The following SDHAF2 variants were observed in gnomAD, a reference collection of about 807,000 sequenced individuals.
SDHAF2 encodes the protein succinate dehydrogenase assembly factor 2, mitochondrial.
Under a neutral mutation model 18.5 loss-of-function variants are expected in SDHAF2, and 21 were observed. The ratio of observed to expected loss-of-function variants is 1.13; its 90% CI spans 0.80 to 1.63. The LOEUF (loss-of-function observed/expected upper bound fraction) is 1.63. SDHAF2 is among the 40% of genes most tolerant of loss of function. The pLI, the probability that SDHAF2 is intolerant of heterozygous loss-of-function variation, is 0.00. For missense variants in SDHAF2, 195 were observed against 200.3 expected (o/e 0.97, Z 0.16); for synonymous variants, 84 against 70.7 (o/e 1.19, Z -0.94).
At chr11:61,438,746 C>T (rs867552754) in intron 3 of SDHAF2, among the ~76,000 whole-genome samples, 2 of 152,110 alleles carry the variant, frequency 1.3e-5, no homozygotes, top group African/African-American at 4.8e-5. Context: ...GCCAAAGCTC[C>T]TCAATAGTTT....
intron 3 of SDHAF2, among the ~76,000 whole-genome samples, chr11:61,441,911 T>C (rs1020694690): frequency 2.1e-5 from 3 of 144,804 alleles, no homozygotes; most frequent in African/African-American, 7.5e-5. Flanking sequence ...TGAGACAGGA[T>C]CTCACTCTGT....
In SDHAF2 at chr11:61,430,184, TGAG is replaced by T; in HGVS notation, c.36+6_36+8del. ...ACAGTGTTCTCGACTTCGTCGCTGG[TGAG>T]GAGAGAGAACGTTCTAGCGTCCGGG... On this transcript the variant is annotated splice_donor_5th_base_variant and intron_variant, in intron 1 of 3. Coordinates refer to ENST00000301761, the MANE Select transcript of SDHAF2 (RefSeq NM_017841.4). The T allele has an allele frequency of 6.2e-7, 1 of 1,614,160 alleles. No homozygotes were observed. Among genetic ancestry groups the T allele is most frequent in the Non-Finnish European group, 8.5e-7 (1 of 1,180,024 alleles).
At chr11:61,445,513 C>T (rs1565130713) in intron 3 of SDHAF2, among the ~76,000 whole-genome samples, 1 of 152,196 alleles carries the variant, frequency 6.6e-6, no homozygotes, top group Non-Finnish European at 1.5e-5. Context: ...GAGATATATA[C>T]ATTGCAAGGG....
In SDHAF2 at chr11:61,445,924, C is replaced by T; in HGVS notation, c.371-17C>T. 6.2e-7 allele frequency: 1 copy of T among 1,613,950 alleles called. No individual in the cohort carries two copies. Among genetic ancestry groups the T allele is most frequent in the Non-Finnish European group, 8.5e-7 (1 of 1,179,966 alleles). On this transcript the variant is annotated splice_polypyrimidine_tract_variant and intron_variant, in intron 3 of 3. Coordinates refer to ENST00000301761, the MANE Select transcript of SDHAF2 (RefSeq NM_017841.4). Reference sequence around the variant, plus strand: ...CTGACTATGGCATAATTTTTTCTGCCCACTCTTCTCTTGCAGAAGCTAAAC... The same window carrying T: ...CTGACTATGGCATAATTTTTTCTGCTCACTCTTCTCTTGCAGAAGCTAAAC...
intron 1 of SDHAF2, chr11:61,433,237 A>C (rs1861955740): frequency 6.6e-6 from 1 of 151,992 alleles, no homozygotes; most frequent in African/African-American, 2.4e-5. Context: ...ATGGGGTTTC[A>C]CTGTGTTAGC....
chr11:61,440,320 T>C (rs2134895467), intron 3 of SDHAF2, among the ~76,000 whole-genome samples: 1 of 149,008 alleles, frequency 6.7e-6, no homozygotes, highest in South Asian at 2.1e-4. Context: ...TAAATAGGGC[T>C]GGGCGCGGTG....
chr11:61,430,428 C>T (rs1463774323), intron 1 of SDHAF2: 2 of 571,652 alleles, frequency 3.5e-6, no homozygotes, highest in Non-Finnish European at 6.1e-6. Context: ...ACCCAATTCG[C>T]CTCTCACCTA....
chr11:61,441,134 A>G (rs1176548133), intron 3 of SDHAF2, among the ~76,000 whole-genome samples: 3 of 152,122 alleles, frequency 2.0e-5, no homozygotes, highest in Non-Finnish European at 2.9e-5. Context: ...GCAATGACCT[A>G]TGATCACGCC....
rs756917732 is a variant in SDHAF2 at position 61,437,688 on chromosome 11, T to C, written c.100T>C (p.Phe34Leu). 35 of 1,614,188 alleles carry C rather than the reference T, an allele frequency of 2.2e-5. No homozygotes were observed. Among genetic ancestry groups the C allele is most frequent in the Non-Finnish European group, 2.9e-5 (34 of 1,180,030 alleles). ...GCTCAGTGTGACATCATTCAGACGC[T>C]TCTACAGAGGTGACAGCCCAACAGA... ...PLLSVTSFRR[F>L]YRGDSPTDSQ... The change falls in exon 2 of 4, where the codon TTC becomes CTC. Residue 34 changes from phenylalanine to leucine, a missense_variant. Physicochemically the swap from Phe to Leu is conservative, Grantham distance 22. Transcript: ENST00000301761.
In SDHAF2 at chr11:61,443,139, A is replaced by G. The variant is rs189329556; in HGVS notation, c.371-2802A>G. ...TCAGTTTGGGTTATTTGTATTAGAT[A>G]ATATCTATTGACCTGTCTTCCACTA... On this transcript the variant is annotated intron_variant, in intron 3 of 3. Coordinates refer to ENST00000301761, the MANE Select transcript of SDHAF2 (RefSeq NM_017841.4). Among the ~76,000 whole-genome samples the G allele has an allele frequency of 3.4e-4, 52 of 152,320 alleles. 1 individual carries two copies. The highest frequency in any genetic ancestry group is 1.3e-3 in the African/African-American group (52 of 41,568).
chr11:61,437,700 G>C lies in SDHAF2; in HGVS notation c.112G>C (p.Asp38His). Residue 38 changes from aspartate (D) to histidine (H), a missense_variant, in exon 2 of 4, where the codon GAC (aspartate) becomes CAC (histidine). By Grantham distance (81) the Asp-to-His change is moderately conservative. Transcript: ENST00000301761. ...VTSFRRFYRG[D>H]SPTDSQKDMI... ...ATCATTCAGACGCTTCTACAGAGGT[G>C]ACAGCCCAACAGATTCCCAAAAGGA... 1 of 1,614,200 alleles carries C rather than the reference G, an allele frequency of 6.2e-7. No individual in the cohort carries two copies. Among genetic ancestry groups the C allele is most frequent in the Admixed American group, 1.7e-5 (1 of 60,014 alleles).
At chr11:61,442,743 C>CTG (rs1862084387) in intron 3 of SDHAF2, among the ~76,000 whole-genome samples, 1 of 152,010 alleles carries the variant, frequency 6.6e-6, no homozygotes, top group Admixed American at 6.6e-5. Flanking sequence ...TGTCCAACAG[C>CTG]TGTTGTGGGG....
At position 61,440,172 on chromosome 11, in the gene SDHAF2, G is replaced by A. The variant is rs147744113; in HGVS notation, c.370+2059G>A. Among the ~76,000 whole-genome samples the A allele has an allele frequency of 3.6e-3, 545 of 152,036 alleles. 4 individuals carry two copies. Among genetic ancestry groups the A allele is most frequent in the African/African-American group, 0.013 (528 of 41,466 alleles). ...TCTACTAAAAATGCAAAAGTTAGCC[G>A]CGTGTGGTGGTGCGCCCAGCTACTC... On this transcript the variant is annotated intron_variant, in intron 3 of 3. Coordinates refer to ENST00000301761, the MANE Select transcript of SDHAF2 (RefSeq NM_017841.4).
chr11:61,442,046 G>A (rs545359199), intron 3 of SDHAF2, among the ~76,000 whole-genome samples: 67 of 152,100 alleles, frequency 4.4e-4, no homozygotes, highest in African/African-American at 1.6e-3. Flanking sequence ...ACCATGCCCA[G>A]CTAATTTTTG....
intron 1 of SDHAF2, chr11:61,435,440 T>C (rs2943806): frequency 0.85 from 128,950 of 152,108 alleles, 54,820 homozygotes; most frequent in East Asian, 0.98. Context: ...GACCATGTTT[T>C]CCTCTTTATT....
chr11:61,445,894 A>C (rs772484776), intron 3 of SDHAF2, 47 bp from the exon 4 acceptor site: 2 of 1,611,882 alleles, frequency 1.2e-6, no homozygotes, highest in Non-Finnish European at 1.7e-6. Context: ...ATACCTGAGC[A>C]TTGACTGACT....
At chr11:61,443,975 G>A (rs1862104049) in intron 3 of SDHAF2, among the ~76,000 whole-genome samples, 1 of 152,118 alleles carries the variant, frequency 6.6e-6, no homozygotes, top group Non-Finnish European at 1.5e-5. Flanking sequence ...GGGTTTCACC[G>A]TTTTAGCCAG....
intron 3 of SDHAF2, among the ~76,000 whole-genome samples, chr11:61,440,925 G>A (rs2134896040): frequency 6.6e-6 from 1 of 152,198 alleles, no homozygotes; most frequent in African/African-American, 2.4e-5. Flanking sequence ...TTCTTGGCTG[G>A]ATGCAGTGGC....
At chr11:61,438,185 CTAGATAATTTT>C in intron 3 of SDHAF2, 72 bp downstream of exon 3, 1 of 1,175,372 alleles carries the variant, frequency 8.5e-7, no homozygotes. Context: ...GAATTGTATC[CTAGATAATTTT>C]TTTCTTTCTT....
Sources: allele counts gnomAD v4.1 joint callset (sites outside exome capture counted in the v4.1 genomes callset), GRCh38; gene constraint gnomAD v4.1.1; transcripts MANE v1.5; gene names NCBI Gene and HGNC (gene_info 2026-07-23, HGNC 2026-07-21).